Variants in ZNF385B observed in about 807,000 individuals in gnomAD.
The protein encoded by ZNF385B is zinc finger protein 533.
ZNF385B carries 23 observed loss-of-function variants against 39.2 expected under a neutral mutation model. That is an observed-to-expected ratio of 0.59 (90% CI 0.42 to 0.83). ZNF385B has a LOEUF of 0.83. Ranked by LOEUF, ZNF385B falls within the 40% of genes least tolerant of loss-of-function variation. The pLI is 0.00. For synonymous variants in ZNF385B, 205 were observed against 222.6 expected, an observed-to-expected ratio of 0.92 and a Z score of 0.70; for missense variants, 552 against 598.9, an observed-to-expected ratio of 0.92 and a Z score of 0.82.
intron 3 of ZNF385B, among the ~76,000 whole-genome samples, chr2:179,595,465 G>T (rs1302284428): frequency 6.6e-6 from 1 of 152,210 alleles, no homozygotes; most frequent in Admixed American, 6.5e-5. Flanking sequence ...CTAAGATCTG[G>T]CTGTAATGCT....
chr2:179,717,138 A>C (rs573735171), intron 3 of ZNF385B, among the ~76,000 whole-genome samples: 1 of 151,388 alleles, frequency 6.6e-6, no homozygotes, highest in South Asian at 2.1e-4. Context: ...ATGAATATTC[A>C]AAAAAAAATT....
At chr2:179,522,695 A>AT (rs2058589951) in intron 4 of ZNF385B, among the ~76,000 whole-genome samples, 1 of 141,682 alleles carries the variant, frequency 7.1e-6, no homozygotes, top group Non-Finnish European at 1.6e-5. Flanking sequence ...TGTTTATAAT[A>AT]TATCTTTTAC....
intron 3 of ZNF385B, among the ~76,000 whole-genome samples, chr2:179,548,582 A>G (rs753713634): frequency 2.1e-4 from 31 of 149,576 alleles, no homozygotes; most frequent in Non-Finnish European, 4.0e-4. Context: ...TGTAATTTAT[A>G]AAGAAAAAGA....
chr2:179,817,741 G>T (rs1252908534), intron 1 of ZNF385B, among the ~76,000 whole-genome samples: 1 of 152,048 alleles, frequency 6.6e-6, no homozygotes, highest in East Asian at 1.9e-4. Flanking sequence ...CTGTGTGTGT[G>T]TCTGCATAGG....
intron 3 of ZNF385B, among the ~76,000 whole-genome samples, chr2:179,690,495 A>G: frequency 6.6e-6 from 1 of 152,340 alleles, no homozygotes; most frequent in East Asian, 1.9e-4. Flanking sequence ...TTTGGTTGGA[A>G]AAAGCCATGT....
intron 4 of ZNF385B, among the ~76,000 whole-genome samples, chr2:179,537,327 AAAAAT>A (rs1559430132): frequency 8.6e-4 from 130 of 151,016 alleles, no homozygotes; most frequent in African/African-American, 3.1e-3. Context: ...TAAATAAAAA[AAAAAT>A]AAAAAAGAAA....
At chr2:179,464,627 G>A (rs1013922104) in intron 6 of ZNF385B, among the ~76,000 whole-genome samples, 1 of 152,030 alleles carries the variant, frequency 6.6e-6, no homozygotes, top group Non-Finnish European at 1.5e-5. Context: ...ATTCTTGTTT[G>A]TGTCAGGTTT....
intron 3 of ZNF385B, among the ~76,000 whole-genome samples, chr2:179,651,307 T>C (rs528768638): frequency 6.6e-6 from 1 of 152,262 alleles, no homozygotes; most frequent in East Asian, 1.9e-4. Flanking sequence ...TCAATAAACG[T>C]AAAGCAGTGC....
chr2:179,521,496 G>A (rs551019983), intron 4 of ZNF385B, among the ~76,000 whole-genome samples: 2 of 151,676 alleles, frequency 1.3e-5, no homozygotes, highest in South Asian at 2.1e-4. Flanking sequence ...CATTGTGCCC[G>A]GCCCCTAATA....
At chr2:179,696,326 C>CTTTTTTTTTTATTTTTTTTTTTTTTT (rs1698747700) in intron 3 of ZNF385B, among the ~76,000 whole-genome samples, 1 of 40,354 alleles carries the variant, frequency 2.5e-5, no homozygotes. Context: ...CAAACTGGGA[C>CTTTTTTTTTTATTTTTTTTTTTTTTT]TTTTTTTTTT....
At chr2:179,699,068 T>C (rs1698975846) in intron 3 of ZNF385B, among the ~76,000 whole-genome samples, 1 of 151,740 alleles carries the variant, frequency 6.6e-6, no homozygotes, top group African/African-American at 2.4e-5. Context: ...AATAATGTTA[T>C]AAATATGCTG....
chr2:179,475,382 G>C (rs973263736), intron 6 of ZNF385B, among the ~76,000 whole-genome samples: 1 of 151,778 alleles, frequency 6.6e-6, no homozygotes, highest in African/African-American at 2.4e-5. Context: ...CTCCTGAGTA[G>C]CTGGGACTAC....
At chr2:179,824,723 A>G (rs886713879) in intron 1 of ZNF385B, among the ~76,000 whole-genome samples, 3 of 152,076 alleles carry the variant, frequency 2.0e-5, no homozygotes, top group African/African-American at 7.2e-5. Flanking sequence ...ATGGAAGGGC[A>G]TATGGTTCCC....
chr2:179,615,247 T>C (rs1200103840), intron 3 of ZNF385B, among the ~76,000 whole-genome samples: 4 of 152,238 alleles, frequency 2.6e-5, no homozygotes, highest in Non-Finnish European at 5.9e-5. Context: ...GGTCAGGATC[T>C]TGTACTTGAA....
intron 3 of ZNF385B, among the ~76,000 whole-genome samples, chr2:179,626,304 T>C (rs1228341772): frequency 1.3e-5 from 2 of 152,180 alleles, no homozygotes; most frequent in Non-Finnish European, 2.9e-5. Context: ...TGGCCAAATA[T>C]TTTAATTTTC....
chr2:179,686,197 C>G (rs985000785), intron 3 of ZNF385B, among the ~76,000 whole-genome samples: 2 of 152,132 alleles, frequency 1.3e-5, no homozygotes, highest in African/African-American at 4.8e-5. Context: ...GTTGCTGTGT[C>G]CCCTTTAACA....
intron 3 of ZNF385B, among the ~76,000 whole-genome samples, chr2:179,744,683 T>C (rs17773504): frequency 0.083 from 12,628 of 152,160 alleles, 611 homozygotes; most frequent in Non-Finnish European, 0.11. Context: ...CAAATAAATA[T>C]AGCAGGAAAA....
intron 3 of ZNF385B, among the ~76,000 whole-genome samples, chr2:179,710,493 C>T (rs2106382492): frequency 6.6e-6 from 1 of 152,278 alleles, no homozygotes; most frequent in Non-Finnish European, 1.5e-5. Flanking sequence ...AATGTTAGTC[C>T]TCCCTTGTGC....
chr2:179,482,031 A>T (rs1204739196), intron 6 of ZNF385B, among the ~76,000 whole-genome samples: 2 of 152,224 alleles, frequency 1.3e-5, no homozygotes, highest in Non-Finnish European at 2.9e-5. Flanking sequence ...ATCAGATAAC[A>T]TGATTTAGTG....
Sources: gnomAD v4.1 joint callset for allele counts (sites outside exome capture counted in the v4.1 genomes callset) on GRCh38, gnomAD v4.1.1 for gene constraint, MANE v1.5 for transcripts, NCBI Gene and HGNC (gene_info 2026-07-23, HGNC 2026-07-21) for gene names.